The following LIM2 variants were observed in gnomAD, a reference collection of about 807,000 sequenced individuals.
LIM2 encodes lens intrinsic membrane protein 2, also known as lens fiber membrane intrinsic protein.
LIM2 carries 14 observed loss-of-function variants against 19.0 expected under a neutral mutation model. The observed-to-expected ratio is 0.74, with a 90% CI of 0.49 to 1.15. The LOEUF (loss-of-function observed/expected upper bound fraction) is 1.15. Ranked by LOEUF, LIM2 falls within the 50% of genes most tolerant of loss-of-function variation. The pLI is 0.00. For synonymous variants in LIM2, 78 were observed against 89.6 expected, an observed-to-expected ratio of 0.87 and a Z score of 0.73; for missense variants, 230 against 243.5, an observed-to-expected ratio of 0.94 and a Z score of 0.37.
intron 2 of LIM2, 135 bp from the exon 3 acceptor site, chr19:51,382,702 C>T (rs1192887879): frequency 1.7e-6 from 2 of 1,199,748 alleles, no homozygotes; most frequent in Admixed American, 3.9e-5. Context: ...TGCAAATGCC[C>T]TCTTCTTCAC....
chr19:51,383,549 G>A (rs919756769), intron 2 of LIM2, among the ~76,000 whole-genome samples: 5 of 152,086 alleles, frequency 3.3e-5, no homozygotes, highest in East Asian at 1.9e-4. Context: ...GTTGAGCACC[G>A]GGGCCATTCT....
At chr19:51,386,916 G>A (rs570431892) in intron 2 of LIM2, among the ~76,000 whole-genome samples, 1 of 152,272 alleles carries the variant, frequency 6.6e-6, no homozygotes, top group South Asian at 2.1e-4. Flanking sequence ...ACTTTATGCA[G>A]TATTTAGCAA....
Position 51,387,302 on chromosome 19 carries a change from C to G in LIM2, c.142G>C (p.Gly48Arg). ...TCTGTCTGCAGGTAGCACTTGTTGC[C>G]CAGGCAGTACCGCCACAGGCCCTGG... is the stretch of plus-strand genomic sequence containing the variant. ...AHQGLWRYCL[G>R]NKCYLQTDSI... is the part of the protein sequence containing the mutation. The change falls in exon 2 of 5, where the codon GGC (glycine) becomes CGC (arginine). Residue 48 changes from glycine (G) to arginine (R), a missense_variant. Coordinates refer to ENST00000596399, the MANE Select transcript of LIM2 (RefSeq NM_001161748.2). 1.2e-6 allele frequency: 2 copies of G among 1,614,148 alleles called. No individual in the cohort carries two copies. Among genetic ancestry groups the G allele is most frequent in the South Asian group, 1.1e-5 (1 of 91,090 alleles).
chr19:51,383,506 T>A (rs557889114), intron 2 of LIM2, among the ~76,000 whole-genome samples: 2 of 152,194 alleles, frequency 1.3e-5, no homozygotes, highest in Middle Eastern at 3.2e-3. Context: ...TGGTGCATAA[T>A]AGGTGCCCAA....
chr19:51,385,871 G>A (rs940390540), intron 2 of LIM2, among the ~76,000 whole-genome samples: 1 of 152,184 alleles, frequency 6.6e-6, no homozygotes, highest in Admixed American at 6.5e-5. Flanking sequence ...TCCCATGCCT[G>A]TCACGTCCGG....
chr19:51,381,661 T>C (rs1986895231), intron 3 of LIM2, among the ~76,000 whole-genome samples: 1 of 152,222 alleles, frequency 6.6e-6, no homozygotes, highest in South Asian at 2.1e-4. Context: ...AAGGAAACTA[T>C]AACTGTAAGT....
Position 51,387,386 on chromosome 19 carries a change from C to T in LIM2, c.58G>A (p.Val20Met). The T allele has an allele frequency of 6.2e-7, 1 of 1,614,176 alleles. No individual in the cohort carries two copies. The highest frequency in any genetic ancestry group is 8.5e-7 in the Non-Finnish European group (1 of 1,180,040). Reference protein sequence around the residue: ...FCAWVGTILLVVAMATDHWMQ... With the variant: ...FCAWVGTILLMVAMATDHWMQ... ...CAGTGGTCTGTTGCCATGGCCACCA[C>T]CAGGAGGATGGTCCCCACCCAGGCA... The change falls in exon 2 of 5, where the codon GTG becomes ATG. Residue 20 changes from valine (V) to methionine (M), a missense_variant. Coordinates refer to ENST00000596399, the MANE Select transcript of LIM2 (RefSeq NM_001161748.2).
At chr19:51,382,590 T>C (rs1218436716) in intron 2 of LIM2, 23 bp from the exon 3 acceptor site, 2 of 1,612,470 alleles carry the variant, frequency 1.2e-6, no homozygotes, top group African/African-American at 1.3e-5. Flanking sequence ...CCCATGGTCA[T>C]TCCCACACCT....
intron 2 of LIM2, among the ~76,000 whole-genome samples, chr19:51,383,969 G>A (rs1053931302): frequency 3.3e-5 from 5 of 152,162 alleles, no homozygotes; most frequent in Non-Finnish European, 7.4e-5. Flanking sequence ...GAAATTCCTG[G>A]CTGTTTCTCC....
rs558985609 is a variant in LIM2 at position 51,380,653 on chromosome 19, G to A, written c.326-14C>T. 7 of 1,614,000 alleles carry A rather than the reference G, an allele frequency of 4.3e-6. No individual in the cohort carries two copies. Among genetic ancestry groups the A allele is most frequent in the Non-Finnish European group, 5.9e-6 (7 of 1,179,972 alleles). On this transcript the variant is annotated splice_polypyrimidine_tract_variant and intron_variant, in intron 3 of 4. Transcript: ENST00000596399. ...CGACGAAAAGGGCTGGGGAGAGAGGGCGGGAGGATGCAGGTGGGACTAAGG... is the reference window on the plus strand; with the variant it reads ...CGACGAAAAGGGCTGGGGAGAGAGGACGGGAGGATGCAGGTGGGACTAAGG...
chr19:51,382,943 T>TTGAATGAA (rs201798695), intron 2 of LIM2, among the ~76,000 whole-genome samples: 3 of 152,194 alleles, frequency 2.0e-5, no homozygotes, highest in Non-Finnish European at 2.9e-5. Context: ...GAAATGTTTG[T>TTGAATGAA]TGAATGAATG....
At chr19:51,380,458 C>A in intron 4 of LIM2, 47 bp downstream of exon 4, 1 of 1,612,966 alleles carries the variant, frequency 6.2e-7, no homozygotes, top group Non-Finnish European at 8.5e-7. Context: ...CTATCTGCTG[C>A]CCACTCTGCC....
At chr19:51,381,288 A>ACT (rs926066312) in intron 3 of LIM2, among the ~76,000 whole-genome samples, 1 of 152,048 alleles carries the variant, frequency 6.6e-6, no homozygotes, top group African/African-American at 2.4e-5. Flanking sequence ...GAGCCACTAC[A>ACT]CTCCAGCCTG....
intron 2 of LIM2, among the ~76,000 whole-genome samples, chr19:51,385,893 G>A (rs2547313): frequency 2.6e-5 from 4 of 152,136 alleles, no homozygotes; most frequent in Admixed American, 1.3e-4. Flanking sequence ...ACTCAGTGAC[G>A]CTTAGCTCTT....
chr19:51,382,355 G>C, intron 3 of LIM2, 63 bp downstream of exon 3: 4 of 1,583,152 alleles, frequency 2.5e-6, no homozygotes, highest in Non-Finnish European at 3.5e-6. Flanking sequence ...TTGAGGGGTG[G>C]GGACAGATTG....
At chr19:51,387,212 C>G (rs201303796) in intron 2 of LIM2, 57 bp downstream of exon 2, 41 of 1,614,092 alleles carry the variant, frequency 2.5e-5, no homozygotes, top group Non-Finnish European at 3.5e-5. Context: ...CCTTGGGCCC[C>G]GAGGTCCGCC....
At chr19:51,387,818 TA>T (rs1304484484) in intron 1 of LIM2, 100 bp downstream of exon 1, 3 of 284,906 alleles carry the variant, frequency 1.1e-5, no homozygotes, top group Non-Finnish European at 2.0e-5. Flanking sequence ...GGCTAGGGGC[TA>T]GGGGGTAGGA....
In LIM2 at chr19:51,387,300, G is replaced by A. The variant is rs950359176; in HGVS notation, c.144C>T (p.Gly48=). Residue 48 remains glycine, a synonymous_variant, in exon 2 of 5, where the codon GGC becomes GGT. Coordinates refer to ENST00000596399, the MANE Select transcript of LIM2 (RefSeq NM_001161748.2). The part of the protein sequence containing the change: ...AHQGLWRYCL[G]NKCYLQTDSI... ...TGTCTGTCTGCAGGTAGCACTTGTTGCCCAGGCAGTACCGCCACAGGCCCT... is the reference window on the plus strand; with the variant it reads ...TGTCTGTCTGCAGGTAGCACTTGTTACCCAGGCAGTACCGCCACAGGCCCT... 5.0e-6 allele frequency: 8 copies of A among 1,614,030 alleles called. No individual in the cohort carries two copies. The highest frequency in any genetic ancestry group is 5.9e-6 in the Non-Finnish European group (7 of 1,180,048).
In LIM2 at chr19:51,382,500, C is replaced by T; in HGVS notation, c.243G>A (p.Met81Ile). 6.2e-7 allele frequency: 1 copy of T among 1,613,978 alleles called. No individual in the cohort carries two copies. Among genetic ancestry groups the T allele is most frequent in the Non-Finnish European group, 8.5e-7 (1 of 1,179,944 alleles). The stretch of plus-strand genomic sequence containing the variant: ...GCTGATGAGCGAAGGCCATGATGCC[C>T]ATGATGATGCCGGAGATGGCGCATA... The part of the protein sequence containing the change: ...SALCAISGII[M>I]GIMAFAHQPT... The change falls in exon 3 of 5, where the codon ATG becomes ATA. Residue 81 changes from methionine (M) to isoleucine (I), a missense_variant. Coordinates refer to ENST00000596399, the MANE Select transcript of LIM2 (RefSeq NM_001161748.2).
Sources: allele counts gnomAD v4.1 joint callset (sites outside exome capture counted in the v4.1 genomes callset), GRCh38; gene constraint gnomAD v4.1.1; transcripts MANE v1.5; gene names NCBI Gene and HGNC (gene_info 2026-07-23, HGNC 2026-07-21).